Variants in FHIP1A observed in about 807,000 individuals in gnomAD.
FHIP1A encodes the protein FHF complex subunit HOOK interacting protein 1A, also known as FHF complex subunit HOOK-interacting protein 1A.
FHIP1A carries 61 observed loss-of-function variants against 88.6 expected under a neutral mutation model. That is an observed-to-expected ratio of 0.69 (90% CI 0.56 to 0.85). The LOEUF (loss-of-function observed/expected upper bound fraction) is 0.85. Among genes scored for constraint, FHIP1A ranks in the 40% least tolerant of loss-of-function variants. The pLI, the probability that FHIP1A is intolerant of heterozygous loss-of-function variation, is 0.00. For missense variants in FHIP1A, 1,154 were observed against 1,273.5 expected, an observed-to-expected ratio of 0.91 and a Z score of 1.43; for synonymous variants, 478 against 496.0, an observed-to-expected ratio of 0.96 and a Z score of 0.48.
At chr4:151,434,989 T>A (rs1287769490) in intron 1 of FHIP1A, among the ~76,000 whole-genome samples, 1 of 152,176 alleles carries the variant, frequency 6.6e-6, no homozygotes, top group Non-Finnish European at 1.5e-5. Flanking sequence ...AATTGATATG[T>A]AATAGTTTTA....
intron 3 of FHIP1A, among the ~76,000 whole-genome samples, chr4:151,511,830 C>A (rs976212695): frequency 6.6e-6 from 1 of 152,260 alleles, no homozygotes; most frequent in Admixed American, 6.5e-5. Flanking sequence ...GGCCTGCCTG[C>A]CTCTGTAGGC....
At chr4:151,511,614 C>T (rs960126913) in intron 3 of FHIP1A, among the ~76,000 whole-genome samples, 7 of 152,352 alleles carry the variant, frequency 4.6e-5, no homozygotes, top group African/African-American at 4.8e-5. Flanking sequence ...GCTTAAAAAA[C>T]GGCGCACCAG....
At chr4:151,563,436 C>T (rs115623664) in intron 3 of FHIP1A, among the ~76,000 whole-genome samples, 122 of 152,194 alleles carry the variant, frequency 8.0e-4, no homozygotes, top group African/African-American at 2.4e-3. Flanking sequence ...TGTGTCTTTA[C>T]GGGAAGAACA....
chr4:151,479,681 C>T (rs531881395), intron 2 of FHIP1A, among the ~76,000 whole-genome samples: 1 of 152,138 alleles, frequency 6.6e-6, no homozygotes, highest in South Asian at 2.1e-4. Flanking sequence ...ATGTGCACCC[C>T]ACCCACATTT....
chr4:151,414,938 T>C lies in FHIP1A; in HGVS notation c.-356+5473T>C, dbSNP rs559000815. 3.9e-5 allele frequency among the ~76,000 whole-genome samples: 6 copies of C among 152,318 alleles called. No homozygotes were observed. The South Asian group carries it at 1.2e-3, about 32-fold the overall frequency. ...AAAGTTAAAGTACACTGCAATGTTA[T>C]ATTCTGGATAAACTGCTATAAATAG... On this transcript the variant is annotated intron_variant, in intron 1 of 13. Transcript: ENST00000435205.
At position 151,668,519 on chromosome 4, in the gene FHIP1A, T is replaced by C. The variant is rs28715753; in HGVS notation, c.*5765T>C. ...TGGTGCAATAATGATCTAGGTTCTT[T>C]TTCCTAGGCCTAGGCCTCCACCTTG... On this transcript the variant is annotated 3_prime_UTR_variant, in exon 14 of 14. Coordinates refer to ENST00000435205, the MANE Select transcript of FHIP1A (RefSeq NM_001109977.3). Among the ~76,000 whole-genome samples, 24,640 of 152,082 alleles carry C rather than the reference T, an allele frequency of 0.16. 2,573 individuals are homozygous for C. Among genetic ancestry groups the C allele is most frequent in the African/African-American group, 0.3 (12,596 of 41,446 alleles).
chr4:151,557,117 T>G (rs1370951859), intron 3 of FHIP1A, among the ~76,000 whole-genome samples: 1 of 152,228 alleles, frequency 6.6e-6, no homozygotes, highest in East Asian at 1.9e-4. Flanking sequence ...ACCTAATGCA[T>G]AGAATGGAAG....
At chr4:151,479,434 A>G (rs908986415) in intron 2 of FHIP1A, among the ~76,000 whole-genome samples, 1 of 152,084 alleles carries the variant, frequency 6.6e-6, no homozygotes, top group Non-Finnish European at 1.5e-5. Context: ...ATTTTGTTCT[A>G]CTATGGGAGA....
intron 13 of FHIP1A, 150 bp downstream of exon 13, chr4:151,657,048 T>A: frequency 1.2e-6 from 1 of 807,628 alleles, no homozygotes; most frequent in Non-Finnish European, 1.9e-6. Flanking sequence ...AGGAACCACC[T>A]CTTAGCATTC....
chr4:151,573,089 G>T (rs1397717467), intron 4 of FHIP1A, among the ~76,000 whole-genome samples: 1 of 152,120 alleles, frequency 6.6e-6, no homozygotes, highest in Non-Finnish European at 1.5e-5. Context: ...ATCTTATTTA[G>T]CCCCAGTAAT....
intron 7 of FHIP1A, among the ~76,000 whole-genome samples, chr4:151,608,988 C>T (rs765999951): frequency 4.9e-4 from 75 of 152,080 alleles, no homozygotes; most frequent in Non-Finnish European, 8.2e-4. Flanking sequence ...TTTGATTGAG[C>T]GGGGTACCTC....
chr4:151,552,877 A>C (rs1490863291), intron 3 of FHIP1A, among the ~76,000 whole-genome samples: 3 of 152,070 alleles, frequency 2.0e-5, no homozygotes, highest in Admixed American at 2.0e-4. Flanking sequence ...GTAATCTGTT[A>C]ACAGATCCAT....
chr4:151,453,008 T>C (rs1259802476), intron 1 of FHIP1A, among the ~76,000 whole-genome samples: 1 of 151,358 alleles, frequency 6.6e-6, no homozygotes, highest in Non-Finnish European at 1.5e-5. Flanking sequence ...AAATTAGGCC[T>C]ATACTGGACA....
chr4:151,632,756 A>C (rs1736203705), intron 8 of FHIP1A, among the ~76,000 whole-genome samples: 1 of 152,092 alleles, frequency 6.6e-6, no homozygotes, highest in African/African-American at 2.4e-5. Flanking sequence ...TCACAAGGGA[A>C]TTTAGAAAAT....
chr4:151,522,295 C>G (rs1332485792), intron 3 of FHIP1A, among the ~76,000 whole-genome samples: 1 of 152,200 alleles, frequency 6.6e-6, no homozygotes, highest in Non-Finnish European at 1.5e-5. Context: ...CGACTTTAAT[C>G]CCTTCCTGGA....
chr4:151,518,195 C>T (rs986952320), intron 3 of FHIP1A, among the ~76,000 whole-genome samples: 23 of 152,162 alleles, frequency 1.5e-4, no homozygotes, highest in African/African-American at 5.3e-4. Flanking sequence ...TGTGTTTGTA[C>T]CTTTTCTATG....
At chr4:151,657,024 T>C (rs1737271018) in intron 13 of FHIP1A, 126 bp downstream of exon 13, 1 of 1,020,280 alleles carries the variant, frequency 9.8e-7, no homozygotes, top group African/African-American at 1.6e-5. Flanking sequence ...TATTTTCATT[T>C]TTATGCAACA....
At chr4:151,514,740 G>C (rs12499398) in intron 3 of FHIP1A, among the ~76,000 whole-genome samples, 17,290 of 149,318 alleles carry the variant, frequency 0.12, 1,135 homozygotes, top group African/African-American at 0.16. Flanking sequence ...TACATCCTCC[G>C]AAGACTAAAC....
intron 2 of FHIP1A, among the ~76,000 whole-genome samples, chr4:151,460,047 A>G (rs1729094539): frequency 6.6e-6 from 1 of 152,296 alleles, no homozygotes; most frequent in East Asian, 1.9e-4. Flanking sequence ...TTCTCCCAAT[A>G]TAGGAAAACA....
Sources: allele counts gnomAD v4.1 joint callset (sites outside exome capture counted in the v4.1 genomes callset), GRCh38; gene constraint gnomAD v4.1.1; transcripts MANE v1.5; gene names NCBI Gene and HGNC (gene_info 2026-07-23, HGNC 2026-07-21).